The following LIMA1 variants were observed in gnomAD, a reference collection of about 807,000 sequenced individuals.
LIMA1 encodes the protein LIM domain and actin binding 1.
LIMA1 carries 52 observed loss-of-function variants against 62.6 expected under a neutral mutation model. The ratio of observed to expected loss-of-function variants is 0.83; its 90% CI spans 0.67 to 1.05. The LOEUF (loss-of-function observed/expected upper bound fraction) is 1.05. Ranked by LOEUF, LIMA1 falls within the 50% of genes least tolerant of loss-of-function variation. The pLI, the probability that LIMA1 is intolerant of heterozygous loss-of-function variation, is 0.00. For synonymous variants in LIMA1, 302 were observed against 317.8 expected, an observed-to-expected ratio of 0.95 and a Z score of 0.53; for missense variants, 780 against 902.2, an observed-to-expected ratio of 0.86 and a Z score of 1.74.
intron 3 of LIMA1, among the ~76,000 whole-genome samples, chr12:50,225,598 G>GCT (rs766022446): frequency 4.7e-4 from 72 of 152,238 alleles, no homozygotes; most frequent in Admixed American, 1.5e-3. Flanking sequence ...TGTCACCCAG[G>GCT]CTAGAGTGTA....
chr12:50,240,425 G>A (rs981433938), intron 2 of LIMA1, among the ~76,000 whole-genome samples: 5 of 152,186 alleles, frequency 3.3e-5, no homozygotes, highest in Non-Finnish European at 5.9e-5. Flanking sequence ...GCTGAGAATG[G>A]AGGTGGCATT....
intron 1 of LIMA1, among the ~76,000 whole-genome samples, chr12:50,252,481 T>C (rs1016385677): frequency 4.1e-5 from 6 of 147,966 alleles, no homozygotes; most frequent in African/African-American, 1.5e-4. Flanking sequence ...CTCGGAAGGC[T>C]GAGGCAAGAG....
intron 10 of LIMA1, among the ~76,000 whole-genome samples, chr12:50,180,600 C>T (rs768799690): frequency 6.8e-4 from 103 of 152,284 alleles, no homozygotes; most frequent in Non-Finnish European, 1.0e-3. Flanking sequence ...CTTATATCCA[C>T]ACCTAGATAT....
chr12:50,261,059 T>C (rs1942066482), intron 1 of LIMA1, among the ~76,000 whole-genome samples: 1 of 115,408 alleles, frequency 8.7e-6, no homozygotes, highest in Non-Finnish European at 1.8e-5. Context: ...TTTTTTTTTT[T>C]TTTTTTTTTT....
chr12:50,239,190 TACACAC>T (rs909860893), intron 2 of LIMA1, among the ~76,000 whole-genome samples: 1 of 151,762 alleles, frequency 6.6e-6, no homozygotes, highest in South Asian at 2.1e-4. Flanking sequence ...TACATACACA[TACACAC>T]ACACAGAGTG....
chr12:50,283,023 G>C (rs1050563478), intron 1 of LIMA1, among the ~76,000 whole-genome samples: 1 of 152,212 alleles, frequency 6.6e-6, no homozygotes, highest in Non-Finnish European at 1.5e-5. Flanking sequence ...ATCGAAAAGA[G>C]AGGGAATGGC....
At chr12:50,201,141 AACACAGGC>A in intron 6 of LIMA1, 1 of 1,211,194 alleles carries the variant, frequency 8.3e-7, no homozygotes, top group African/African-American at 1.6e-5. Flanking sequence ...CAGACACATC[AACACAGGC>A]ACACAGAACA....
intron 4 of LIMA1, among the ~76,000 whole-genome samples, chr12:50,216,491 AG>A (rs1941347282): frequency 6.6e-6 from 1 of 152,148 alleles, no homozygotes; most frequent in Non-Finnish European, 1.5e-5. Flanking sequence ...CTGGAATTAC[AG>A]GCGTGAGCCA....
intron 1 of LIMA1, among the ~76,000 whole-genome samples, chr12:50,255,013 ACT>A (rs908546289): frequency 4.7e-5 from 7 of 150,122 alleles, no homozygotes; most frequent in South Asian, 2.1e-4. Flanking sequence ...ACAGCACAAG[ACT>A]CTGTCTCAAA....
chr12:50,197,288 TCA>T (rs766768718), intron 7 of LIMA1, among the ~76,000 whole-genome samples: 21 of 152,226 alleles, frequency 1.4e-4, no homozygotes, highest in African/African-American at 4.8e-4. Context: ...CAGGATGGTC[TCA>T]GACTCCTGAC....
chr12:50,247,789 C>A (rs7979830), intron 2 of LIMA1, among the ~76,000 whole-genome samples: 7 of 151,576 alleles, frequency 4.6e-5, no homozygotes. Flanking sequence ...CCACCATGCT[C>A]GACTAATATT....
chr12:50,232,087 T>C (rs1201310668), intron 2 of LIMA1, among the ~76,000 whole-genome samples: 1 of 146,764 alleles, frequency 6.8e-6, no homozygotes, highest in Non-Finnish European at 1.5e-5. Context: ...TCTCACTCTG[T>C]TGCTCAGGCT....
At chr12:50,185,300 C>T (rs540076659) in intron 9 of LIMA1, 26 of 449,540 alleles carry the variant, frequency 5.8e-5, no homozygotes, top group African/African-American at 3.6e-4. Flanking sequence ...CACAAACACA[C>T]GGAGGGGAGG....
At chr12:50,275,457 G>C (rs1468559278) in intron 1 of LIMA1, among the ~76,000 whole-genome samples, 1 of 152,074 alleles carries the variant, frequency 6.6e-6, no homozygotes, top group Non-Finnish European at 1.5e-5. Flanking sequence ...TACCTAAAAG[G>C]CTTGTAATCT....
chr12:50,243,942 T>C (rs767079955), intron 2 of LIMA1, among the ~76,000 whole-genome samples: 3 of 151,802 alleles, frequency 2.0e-5, no homozygotes, highest in Admixed American at 6.6e-5. Context: ...TGAGACGGAG[T>C]CTCACTCTGT....
intron 1 of LIMA1, among the ~76,000 whole-genome samples, chr12:50,265,467 C>T (rs1942128820): frequency 6.6e-6 from 1 of 151,624 alleles, no homozygotes; most frequent in South Asian, 2.1e-4. Flanking sequence ...TTGCGGTGAG[C>T]CAAGATCACA....
At chr12:50,275,779 C>T (rs1300973200) in intron 1 of LIMA1, among the ~76,000 whole-genome samples, 5 of 152,026 alleles carry the variant, frequency 3.3e-5, no homozygotes, top group Non-Finnish European at 7.4e-5. Flanking sequence ...GGTCACAGTG[C>T]CAGGTGGGTG....
chr12:50,265,646 ATGTT>A (rs1402045369), intron 1 of LIMA1, among the ~76,000 whole-genome samples: 2 of 152,136 alleles, frequency 1.3e-5, no homozygotes, highest in African/African-American at 4.8e-5. Context: ...ATTTTTTAAA[ATGTT>A]TGTTTTGAGC....
chr12:50,260,933 A>ACC (rs1565861935), intron 1 of LIMA1, among the ~76,000 whole-genome samples: 5 of 134,244 alleles, frequency 3.7e-5, no homozygotes, highest in African/African-American at 1.1e-4. Context: ...CTTGCCCCAA[A>ACC]AAAAAAAAAA....
Sources: gnomAD v4.1 joint callset for allele counts (sites outside exome capture counted in the v4.1 genomes callset) on GRCh38, gnomAD v4.1.1 for gene constraint, MANE v1.5 for transcripts, NCBI Gene and HGNC (gene_info 2026-07-23, HGNC 2026-07-21) for gene names.